The following CAND2 variants were observed in gnomAD, a reference collection of about 807,000 sequenced individuals.
CAND2 encodes the protein cullin associated and neddylation dissociated 2 (putative), also known as cullin-associated NEDD8-dissociated protein 2.
A neutral mutation model predicts 98.9 loss-of-function variants in CAND2; 62 were observed. That is an observed-to-expected ratio of 0.63 (90% CI 0.51 to 0.77). CAND2 has a LOEUF of 0.77. Among genes scored for constraint, CAND2 ranks in the 30% least tolerant of loss-of-function variants. The probability of loss-of-function intolerance (pLI) is 0.00; values close to 1 mark genes in which losing one functional copy is unlikely to be tolerated. For missense variants in CAND2, 1,501 were observed against 1,655.2 expected (o/e 0.91, Z 1.62); for synonymous variants, 770 against 731.9 (o/e 1.05, Z -0.84).
At position 12,834,128 on chromosome 3, in the gene CAND2, T is replaced by C; in HGVS notation, c.*146T>C. 3 of 667,424 alleles carry C rather than the reference T, an allele frequency of 4.5e-6. 1 individual carries two copies. In the South Asian group the frequency reaches 5.7e-5, roughly 13 times the overall value. The allele number at this position is 667,424 out of a possible 1,614,324, so 41.3% of individuals were successfully genotyped here. The stretch of plus-strand genomic sequence containing the variant: ...TGTCGCTCCTGGTCAGGGCTTACAG[T>C]GCCTTCTCCAGGGACCCAACTCAAA... On this transcript the variant is annotated 3_prime_UTR_variant, in exon 15 of 15. Transcript: ENST00000456430.
intron 1 of CAND2, among the ~76,000 whole-genome samples, chr3:12,797,251 C>T (rs1164493394): frequency 6.6e-6 from 1 of 150,832 alleles, no homozygotes; most frequent in African/African-American, 2.4e-5. Flanking sequence ...CCTGCCTCTC[C>T]TCCGCATTGA....
chr3:12,796,979 T>G, intron 1 of CAND2, among the ~76,000 whole-genome samples, 191 bp downstream of exon 1: 1 of 147,106 alleles, frequency 6.8e-6, no homozygotes. Context: ...GCTCCGGCCG[T>G]TCTCCCCTAG....
At chr3:12,809,820 C>G in intron 4 of CAND2, 1 of 456,720 alleles carries the variant, frequency 2.2e-6, no homozygotes, top group Non-Finnish European at 3.8e-6. Context: ...GGTCTTTCTC[C>G]CTAGGCTGGG....
At chr3:12,813,129 G>C (rs1473481176) in intron 6 of CAND2, 34 bp downstream of exon 6, 39 of 1,567,740 alleles carry the variant, frequency 2.5e-5, no homozygotes, top group Non-Finnish European at 3.2e-5. Context: ...GGATCCCTTT[G>C]GGAAGTTGGT....
rs1439665521 is a variant in CAND2 at position 12,810,327 on chromosome 3, A to G, written c.757+3A>G. The G allele has an allele frequency of 2.1e-6, 3 of 1,451,122 alleles. No homozygotes were observed. The highest frequency in any genetic ancestry group is 1.4e-5 in the South Asian group (1 of 71,112). 89.9% of individuals were successfully genotyped at this position (1,451,122 alleles called of 1,614,324 possible). On this transcript the variant is annotated splice_donor_region_variant and intron_variant, in intron 5 of 14. Coordinates refer to ENST00000456430, the MANE Select transcript of CAND2 (RefSeq NM_001162499.2). ...CCGCCAGGCCGGCCACCGCCTCGGTAAGGGGGCAGGGGGCGGGGCCTGGGC... is the reference window on the plus strand; with the variant it reads ...CCGCCAGGCCGGCCACCGCCTCGGTGAGGGGGCAGGGGGCGGGGCCTGGGC...
rs59805481 is a variant in CAND2 at position 12,807,134 on chromosome 3, G to A, written c.213-172G>A. On this transcript the variant is annotated intron_variant, in intron 2 of 14. Coordinates refer to ENST00000456430, the MANE Select transcript of CAND2 (RefSeq NM_001162499.2). ...TGTAGGTTTGGGAGGTCCCAGGAAC[G>A]ATGTTGGCATAGCCAGAGAGTATCT... 7.2e-4 allele frequency: 399 copies of A among 553,864 alleles called. 4 individuals carry two copies. The highest frequency in any genetic ancestry group is 6.3e-3 in the African/African-American group (330 of 52,114). The allele number at this position is 553,864 out of a possible 1,614,324, so 34.3% of individuals were successfully genotyped here.
chr3:12,829,556 A>C (rs535558346), intron 13 of CAND2, among the ~76,000 whole-genome samples: 2 of 152,382 alleles, frequency 1.3e-5, no homozygotes, highest in South Asian at 2.1e-4. Flanking sequence ...AAAGATTTAC[A>C]CAAGATGAAA....
rs1031408691 is a variant in CAND2 at position 12,800,384 on chromosome 3, G to A, written c.69-3104G>A. 1.1e-4 allele frequency among the ~76,000 whole-genome samples: 17 copies of A among 152,252 alleles called. 1 individual carries two copies. The highest frequency in any genetic ancestry group is 1.0e-3 in the South Asian group (5 of 4,838). On this transcript the variant is annotated intron_variant, in intron 1 of 14. Coordinates refer to ENST00000456430, the MANE Select transcript of CAND2 (RefSeq NM_001162499.2). ...TGTGATAGATTTTGCCACAGGAGGC[G>A]GGGGTCAGGGCTCTTGGTTGATTTG...
At position 12,831,499 on chromosome 3, in the gene CAND2, C is replaced by T. The variant is rs1488105259; in HGVS notation, c.3410C>T (p.Thr1137Ile). The T allele has an allele frequency of 6.2e-7, 1 of 1,614,104 alleles. No homozygotes were observed. The highest frequency in any genetic ancestry group is 8.5e-7 in the Non-Finnish European group (1 of 1,180,018). ...TTCATCATGGTTGCCCGGCTGGCCA[C>T]CCTGTGTCCTGCACCTGTCCTGCAG... is the stretch of plus-strand genomic sequence containing the variant. ...LTFIMVARLA[T>I]LCPAPVLQRV... Residue 1137 changes from threonine to isoleucine, a missense_variant, in exon 14 of 15, where the codon ACC becomes ATC. Around this residue, in one of 3 missense-constraint regions of CAND2, gnomAD observed 1,427 missense variants for 1,545.3 expected, o/e 0.92. Coordinates refer to ENST00000456430, the MANE Select transcript of CAND2 (RefSeq NM_001162499.2).
At chr3:12,817,912 G>A (rs750457466) in intron 10 of CAND2, 36 bp downstream of exon 10, 78 of 1,473,188 alleles carry the variant, frequency 5.3e-5, no homozygotes, top group African/African-American at 7.1e-5. Flanking sequence ...AGCCCACCTC[G>A]GAGGTGGGCA....
intron 12 of CAND2, among the ~76,000 whole-genome samples, chr3:12,826,061 G>A (rs1455277008): frequency 1.3e-5 from 2 of 152,158 alleles, no homozygotes; most frequent in Non-Finnish European, 2.9e-5. Flanking sequence ...CCCCCTAAAG[G>A]ACAGAGATGC....
At position 12,816,016 on chromosome 3, in the gene CAND2, G is replaced by A. The variant is rs2061896386; in HGVS notation, c.1441+8G>A. ...TGCCTGTGCTGGTATCAGGTAGGCT[G>A]GACTGCAACCAGGTATCTGCTGTTC... On this transcript the variant is annotated splice_region_variant and intron_variant, in intron 9 of 14. Coordinates refer to ENST00000456430, the MANE Select transcript of CAND2 (RefSeq NM_001162499.2). 6.2e-7 allele frequency: 1 copy of A among 1,612,104 alleles called. No individual in the cohort carries two copies. Among genetic ancestry groups the A allele is most frequent in the Non-Finnish European group, 8.5e-7 (1 of 1,178,868 alleles).
In CAND2 at chr3:12,813,335, G is replaced by A. The variant is rs2061870066; in HGVS notation, c.953G>A (p.Ser318Asn). 2.5e-6 allele frequency: 4 copies of A among 1,614,094 alleles called. No homozygotes were observed. The highest frequency in any genetic ancestry group is 2.7e-5 in the African/African-American group (2 of 74,934). Residue 318 changes from serine to asparagine, a missense_variant, in exon 7 of 15, where the codon AGT becomes AAT. Physicochemically the swap from Ser to Asn is conservative, Grantham distance 46. Around this residue, in one of 3 missense-constraint regions of CAND2, gnomAD observed 1,427 missense variants for 1,545.3 expected, o/e 0.92. Coordinates refer to ENST00000456430, the MANE Select transcript of CAND2 (RefSeq NM_001162499.2). ...IKHDPNYNYD[S>N]DEDEEQMETE... is the part of the protein sequence containing the mutation. Reference sequence around the variant, plus strand: ...CACGACCCCAACTACAACTACGACAGTGATGAGGATGAGGAGCAGATGGAG... The same window carrying A: ...CACGACCCCAACTACAACTACGACAATGATGAGGATGAGGAGCAGATGGAG...
At chr3:12,830,884 G>A (rs1042730714) in intron 13 of CAND2, among the ~76,000 whole-genome samples, 1 of 152,130 alleles carries the variant, frequency 6.6e-6, no homozygotes, top group Non-Finnish European at 1.5e-5. Context: ...TGGGTAGGGC[G>A]TGGGGATTTC....
Position 12,834,103 on chromosome 3 carries a change from T to C in CAND2, c.*121T>C. 2.6e-6 allele frequency: 2 copies of C among 780,866 alleles called. No homozygotes were observed. Among genetic ancestry groups the C allele is most frequent in the African/African-American group, 1.7e-5 (1 of 58,136 alleles). The allele number at this position is 780,866 out of a possible 1,614,324, so 48.4% of individuals were successfully genotyped here. A position where few individuals can be genotyped will look rare whatever the true frequency, so the allele number is the denominator to read the frequency against. ...CCTTCCACCATCTCACTGGGGGCCC[T>C]GTCGCTCCTGGTCAGGGCTTACAGT... On this transcript the variant is annotated 3_prime_UTR_variant, in exon 15 of 15. Transcript: ENST00000456430.
chr3:12,815,928 A>T lies in CAND2; in HGVS notation c.1361A>T (p.Gln454Leu), dbSNP rs1226145791. ...QLKDRSVRAR[Q>L]GCFSLLTELA... is the part of the protein sequence containing the mutation. ...AAAGATCGGAGCGTCAGAGCCCGCC[A>T]GGGATGCTTCAGCCTCCTCACCGAG... The change falls in exon 9 of 15, where the codon CAG becomes CTG. Residue 454 changes from glutamine to leucine, a missense_variant. By Grantham distance (113) the Gln-to-Leu change is moderately radical (BLOSUM62 -2). Coordinates refer to ENST00000456430, the MANE Select transcript of CAND2 (RefSeq NM_001162499.2). The surrounding 1 kb of genome is among the most constrained non-coding windows in gnomAD (Gnocchi z 5.7). 1.2e-6 allele frequency: 2 copies of T among 1,613,816 alleles called. No individual in the cohort carries two copies. The highest frequency in any genetic ancestry group is 1.7e-6 in the Non-Finnish European group (2 of 1,179,956).
Position 12,817,186 on chromosome 3 carries a change from G to A in CAND2, c.2254G>A (p.Gly752Arg), listed in dbSNP as rs149084778. The A allele has an allele frequency of 1.1e-3, 1,792 of 1,613,262 alleles. 21 individuals carry two copies. In the East Asian group the frequency reaches 0.015, roughly 14 times the overall value. ...GCTGCGTTCGCCCCTGTTGCCAGCC[G>A]GGGTTCTGGCAGCTGCTGAAGGCTT... ...RLLRSPLLPA[G>R]VLAAAEGFLQ... The change falls in exon 10 of 15, where the codon GGG becomes AGG. Residue 752 changes from glycine (G) to arginine (R), a missense_variant. Gly to Arg is a moderately radical substitution (Grantham distance 125). Around this residue, in one of 3 missense-constraint regions of CAND2, gnomAD observed 1,427 missense variants for 1,545.3 expected, o/e 0.92. Transcript: ENST00000456430.
At chr3:12,824,057 A>G (rs974233422) in intron 11 of CAND2, among the ~76,000 whole-genome samples, 7 of 151,728 alleles carry the variant, frequency 4.6e-5, no homozygotes, top group Non-Finnish European at 1.0e-4. Flanking sequence ...TGTAATCCCA[A>G]CACTTTGGGA....
Position 12,808,232 on chromosome 3 carries a change from G to A in CAND2, c.390G>A (p.Val130=), listed in dbSNP as rs779776250. Residue 130 remains valine (V), a synonymous_variant, in exon 4 of 15, where the codon GTG becomes GTA. Coordinates refer to ENST00000456430, the MANE Select transcript of CAND2 (RefSeq NM_001162499.2). Reference sequence around the variant, plus strand: ...CAGGCTCCGGGCTGGCCACCAACGTGTGCCGGAAGATCACAGGCCAGCTCA... The same window carrying A: ...CAGGCTCCGGGCTGGCCACCAACGTATGCCGGAAGATCACAGGCCAGCTCA... ...AATGSGLATN[V]CRKITGQLTS... 6.4e-7 allele frequency: 1 copy of A among 1,551,296 alleles called. No individual in the cohort carries two copies. Among genetic ancestry groups the A allele is most frequent in the South Asian group, 1.2e-5 (1 of 84,056 alleles).
Sources: allele counts gnomAD v4.1 joint callset (sites outside exome capture counted in the v4.1 genomes callset), GRCh38; gene constraint gnomAD v4.1.1; regional missense constraint gnomAD v4.1.1; non-coding constraint Gnocchi (gnomAD v3.1); transcripts MANE v1.5; gene names NCBI Gene and HGNC (gene_info 2026-07-23, HGNC 2026-07-21).